The following PTCH1 variants were observed in gnomAD, a reference collection of about 807,000 sequenced individuals.
PTCH1 encodes patched 1.
A neutral mutation model predicts 144.6 loss-of-function variants in PTCH1; 14 were observed. The observed-to-expected ratio is 0.10, with a 90% CI of 0.06 to 0.15. PTCH1 has a LOEUF of 0.15. PTCH1 is among the 10% of genes least tolerant of loss of function. The pLI is 1.00. For synonymous variants in PTCH1, 833 were observed against 793.6 expected (o/e 1.05, Z -0.83); for missense variants, 1,623 against 1,948.3 (o/e 0.83, Z 3.14).
Position 95,444,527 on chromosome 9 carries a change from A to ACC in PTCH1, c.*1864_*1865dup, listed in dbSNP as rs1554687132. 3 of 152,928 alleles carry ACC rather than the reference A, an allele frequency of 2.0e-5. No homozygotes were observed. Among genetic ancestry groups the ACC allele is most frequent in the African/African-American group, 4.9e-5 (2 of 41,120 alleles). The allele number at this position is 152,928 out of a possible 1,614,324, so 9.5% of individuals were successfully genotyped here. On this transcript the variant is annotated 3_prime_UTR_variant, in exon 24 of 24. Coordinates refer to ENST00000331920, the MANE Select transcript of PTCH1 (RefSeq NM_000264.5). ...CACGCACGCACACACACACACACAC[A>ACC]CCCAGCAGCCACAAGCGGCTCCCAA...
At chr9:95,455,041 T>C (rs1340569208) in intron 19 of PTCH1, among the ~76,000 whole-genome samples, 2 of 152,348 alleles carry the variant, frequency 1.3e-5, no homozygotes, top group Admixed American at 1.3e-4. Flanking sequence ...ATTGGAATTA[T>C]GGGTTTTCTA....
At chr9:95,514,699 T>C (rs1352937743) in intron 1 of PTCH1, among the ~76,000 whole-genome samples, 3 of 152,078 alleles carry the variant, frequency 2.0e-5, no homozygotes, top group East Asian at 1.9e-4. Flanking sequence ...TTAATCCACA[T>C]TGATTAACCT....
rs1841027003 is a variant in PTCH1 at position 95,476,250 on chromosome 9, A to C, written c.1603-91T>G. 1.4e-5 allele frequency: 21 copies of C among 1,525,516 alleles called. No homozygotes were observed. Among genetic ancestry groups the C allele is most frequent in the Non-Finnish European group, 1.8e-5 (20 of 1,131,422 alleles). The allele number at this position is 1,525,516 out of a possible 1,614,324, so 94.5% of individuals were successfully genotyped here. ...GTGAGCAGATACGTGGCAGAATAAC[A>C]CAACTGTTATTACAGCTTATCATGC... On this transcript the variant is annotated intron_variant, in intron 11 of 23. Transcript: ENST00000331920. This position sits in a 1 kb window ranked among gnomAD's most constrained non-coding sequence, Gnocchi z 4.6.
At chr9:95,474,045 A>T in intron 12 of PTCH1, 1 of 489,576 alleles carries the variant, frequency 2.0e-6, no homozygotes, top group Non-Finnish European at 4.1e-6. Flanking sequence ...ATTTTCTACA[A>T]GGCTACTCCT....
chr9:95,510,723 A>G (rs571175130), upstream of PTCH1, among the ~76,000 whole-genome samples: 15 of 150,366 alleles, frequency 1.0e-4, no homozygotes, highest in East Asian at 2.9e-3. Context: ...CGCACGGTGT[A>G]TGTTCATTGA....
At chr9:95,514,270 T>C (rs1477643910) in intron 1 of PTCH1, 1 of 152,268 alleles carries the variant, frequency 6.6e-6, no homozygotes, top group Non-Finnish European at 1.5e-5. Context: ...GATAGAGATG[T>C]ATTCCTACAA....
chr9:95,494,697 G>A (rs1842674718), intron 2 of PTCH1, among the ~76,000 whole-genome samples: 1 of 152,288 alleles, frequency 6.6e-6, no homozygotes, highest in Admixed American at 6.5e-5. Flanking sequence ...TCCAGCAGCA[G>A]CAGGCAGCAG....
At chr9:95,494,237 C>T (rs1192121250) in intron 2 of PTCH1, 2 of 985,608 alleles carry the variant, frequency 2.0e-6, no homozygotes, top group East Asian at 2.3e-4. Flanking sequence ...GCTGCTCCCT[C>T]TGAATGGCTT....
intron 1 of PTCH1, among the ~76,000 whole-genome samples, chr9:95,516,209 C>G (rs1185309001): frequency 1.3e-5 from 2 of 150,218 alleles, no homozygotes; most frequent in African/African-American, 4.9e-5. Flanking sequence ...CTCCCCGCCA[C>G]GCGGGGCTGG....
Position 95,480,487 on chromosome 9 carries a change from T to C in PTCH1, c.848A>G (p.Asn283Ser). Residue 283 changes from asparagine to serine, a missense_variant, in exon 6 of 24, where the codon AAT becomes AGT. Coordinates refer to ENST00000331920, the MANE Select transcript of PTCH1 (RefSeq NM_000264.5). ...GTAACCATGACCAACCTCAGCCTTA[T>C]TCAGCATTTCCTCCCAGCTGTCCAC... ...YQVDSWEEML[N>S]KAEVGHGYMD... The C allele has an allele frequency of 6.2e-7, 1 of 1,613,012 alleles. No homozygotes were observed. Among genetic ancestry groups the C allele is most frequent in the Non-Finnish European group, 8.5e-7 (1 of 1,179,886 alleles).
intron 2 of PTCH1, among the ~76,000 whole-genome samples, chr9:95,506,009 G>C (rs1471962449): frequency 6.8e-6 from 1 of 148,012 alleles, no homozygotes; most frequent in Non-Finnish European, 1.5e-5. Flanking sequence ...TGGGGGTGGG[G>C]GAGAGAAGAA....
rs181585555 is a variant in PTCH1 at position 95,447,336 on chromosome 9, G to C, written c.3920C>G (p.Pro1307Arg). The change falls in exon 23 of 24, where the codon CCC becomes CGC. Residue 1307 changes from proline to arginine, a missense_variant. By Grantham distance (103) the Pro-to-Arg change is moderately radical. This residue lies in a region of PTCH1 where 291 missense variants were observed against 287.4 expected (regional missense o/e 1.01). Coordinates refer to ENST00000331920, the MANE Select transcript of PTCH1 (RefSeq NM_000264.5). ...GGGGGGTGGCCACAAGCCTTCTCTG[G>C]GGGGGTCCCTGCGGGGCTGCTGGCC... ...RQGQQPRRDP[P>R]REGLWPPPYR... 6.8e-6 allele frequency: 11 copies of C among 1,613,366 alleles called. No individual in the cohort carries two copies. In the Admixed American group the frequency reaches 1.3e-4, roughly 20 times the overall value.
intron 7 of PTCH1, 140 bp downstream of exon 7, chr9:95,479,829 T>C: frequency 7.2e-7 from 1 of 1,386,022 alleles, no homozygotes. Flanking sequence ...TATTTCTTAA[T>C]ATTCTATGAC....
chr9:95,497,202 G>C (rs1842854275), intron 2 of PTCH1, among the ~76,000 whole-genome samples: 1 of 152,124 alleles, frequency 6.6e-6, no homozygotes, highest in Non-Finnish European at 1.5e-5. Flanking sequence ...AAAACCCTGA[G>C]TGTAGTCACT....
upstream of PTCH1, among the ~76,000 whole-genome samples, chr9:95,510,945 A>G (rs1844121018): frequency 6.7e-6 from 1 of 150,222 alleles, no homozygotes; most frequent in Non-Finnish European, 1.5e-5. Context: ...CCGGGCCTCC[A>G]GCGCGGTCTC....
intron 18 of PTCH1, among the ~76,000 whole-genome samples, chr9:95,457,075 GGAAAAGC>G (rs1393821934): frequency 8.5e-5 from 13 of 152,266 alleles, no homozygotes; most frequent in African/African-American, 3.1e-4. Context: ...TAAAATCCAA[GGAAAAGC>G]TTCTTGCCTT....
rs191674256 is a variant in PTCH1 at position 95,467,071 on chromosome 9, A to G, written c.2560+45T>C. 68 of 1,587,114 alleles carry G rather than the reference A, an allele frequency of 4.3e-5. No individual in the cohort carries two copies. In the African/African-American group the frequency reaches 8.2e-4, roughly 19 times the overall value. On this transcript the variant is annotated intron_variant, in intron 15 of 23. Coordinates refer to ENST00000331920, the MANE Select transcript of PTCH1 (RefSeq NM_000264.5). ...TGACAAAGGAACCTGTTGAAGCTGA[A>G]CACGCAAAAGACCGAAAGGACGAGA... is the stretch of plus-strand genomic sequence containing the variant.
In PTCH1 at chr9:95,459,491, C is replaced by T. The variant is rs368071415; in HGVS notation, c.2887+109G>A. On this transcript the variant is annotated intron_variant, in intron 17 of 23. Coordinates refer to ENST00000331920, the MANE Select transcript of PTCH1 (RefSeq NM_000264.5). ...GAGAAGAAATAGATTGTTCTGTTTA[C>T]ACTTCTGAACCCTGGGTAGCGTCAA... The T allele has an allele frequency of 3.2e-5, 43 of 1,348,010 alleles. 1 individual carries two copies. Among genetic ancestry groups the T allele is most frequent in the Admixed American group, 1.8e-4 (10 of 57,068 alleles). The allele number at this position is 1,348,010 out of a possible 1,614,324, so 83.5% of individuals were successfully genotyped here.
At position 95,467,199 on chromosome 9, in the gene PTCH1, A is replaced by G. The variant is rs1174748645; in HGVS notation, c.2477T>C (p.Phe826Ser). 1 of 1,614,254 alleles carries G rather than the reference A, an allele frequency of 6.2e-7. No homozygotes were observed. Among genetic ancestry groups the G allele is most frequent in the Non-Finnish European group, 8.5e-7 (1 of 1,180,040 alleles). ...QHLLYDLHRS[F>S]SNVKYVMLEE... is the part of the protein sequence containing the mutation. Reference sequence around the variant, plus strand: ...CAACATGACATACTTCACGTTACTGAAACTCCTGTGTAGGTCGTAAAGTAA... The same window carrying G: ...CAACATGACATACTTCACGTTACTGGAACTCCTGTGTAGGTCGTAAAGTAA... The change falls in exon 15 of 24, where the codon TTC becomes TCC. Residue 826 changes from phenylalanine (F) to serine (S), a missense_variant. Transcript: ENST00000331920.
Sources: allele counts gnomAD v4.1 joint callset (sites outside exome capture counted in the v4.1 genomes callset), GRCh38; gene constraint gnomAD v4.1.1; regional missense constraint gnomAD v4.1.1; non-coding constraint Gnocchi (gnomAD v3.1); transcripts MANE v1.5; gene names NCBI Gene and HGNC (gene_info 2026-07-23, HGNC 2026-07-21).